Variants in METTL24 observed in about 807,000 individuals in gnomAD.
The protein encoded by METTL24 is methyltransferase like 24.
Under a neutral mutation model 32.7 loss-of-function variants are expected in METTL24, and 29 were observed. The observed-to-expected ratio is 0.89, with a 90% CI of 0.66 to 1.21. METTL24 has a LOEUF of 1.21. Among genes scored for constraint, METTL24 ranks in the 50% most tolerant of loss-of-function variants. The pLI, the probability that METTL24 is intolerant of heterozygous loss-of-function variation, is 0.00. For missense variants in METTL24, 439 were observed against 468.1 expected, an observed-to-expected ratio of 0.94 and a Z score of 0.57; for synonymous variants, 163 against 179.5, an observed-to-expected ratio of 0.91 and a Z score of 0.73.
intron 4 of METTL24, among the ~76,000 whole-genome samples, chr6:110,287,573 C>T (rs1487496393): frequency 1.3e-5 from 2 of 152,184 alleles, no homozygotes; most frequent in African/African-American, 2.4e-5. Flanking sequence ...TTTACCACAG[C>T]ATATCTGGTT....
intron 4 of METTL24, among the ~76,000 whole-genome samples, chr6:110,275,387 A>C (rs960588327): frequency 3.3e-5 from 5 of 151,786 alleles, no homozygotes; most frequent in Non-Finnish European, 7.4e-5. Context: ...AGAATTTCTC[A>C]TTCTTTCTCT....
At chr6:110,350,196 G>A (rs1242575931) in intron 1 of METTL24, among the ~76,000 whole-genome samples, 1 of 152,226 alleles carries the variant, frequency 6.6e-6, no homozygotes, top group Non-Finnish European at 1.5e-5. Flanking sequence ...ATTCAAAGGT[G>A]TGACCAAAAA....
chr6:110,314,106 C>T (rs1771772459), intron 3 of METTL24, among the ~76,000 whole-genome samples: 2 of 152,136 alleles, frequency 1.3e-5, no homozygotes, highest in African/African-American at 4.8e-5. Context: ...TAACCCTGAC[C>T]ACCTAGGATT....
rs578259299 is a variant in METTL24 at position 110,277,835 on chromosome 6, T to A, written c.786+21087A>T. On this transcript the variant is annotated intron_variant, in intron 4 of 4. Coordinates refer to ENST00000338882, the MANE Select transcript of METTL24 (RefSeq NM_001123364.3). ...GCATGTCAAAAACTATAAATAGGAA[T>A]ATTCTATTCTGAACTAAACCATGCA... 2.0e-5 allele frequency among the ~76,000 whole-genome samples: 3 copies of A among 152,282 alleles called. No homozygotes were observed. In the South Asian group the frequency reaches 6.2e-4, roughly 32 times the overall value.
chr6:110,332,084 GGCT>G (rs1176441555), intron 1 of METTL24, among the ~76,000 whole-genome samples: 1 of 152,164 alleles, frequency 6.6e-6, no homozygotes, highest in Non-Finnish European at 1.5e-5. Context: ...ACAGAGGGTA[GGCT>G]GGGAGGCAGG....
At chr6:110,356,808 A>C (rs1772709003) in intron 1 of METTL24, among the ~76,000 whole-genome samples, 1 of 152,246 alleles carries the variant, frequency 6.6e-6, no homozygotes. Context: ...AGATAGAAAA[A>C]GGTATTTCAG....
intron 4 of METTL24, among the ~76,000 whole-genome samples, chr6:110,293,540 A>G (rs1771358359): frequency 1.3e-5 from 2 of 151,982 alleles, no homozygotes; most frequent in Non-Finnish European, 2.9e-5. Context: ...AATAATAATA[A>G]TATCTGCAAA....
At chr6:110,331,378 G>T (rs2114761882) in intron 1 of METTL24, among the ~76,000 whole-genome samples, 1 of 152,102 alleles carries the variant, frequency 6.6e-6, no homozygotes, top group South Asian at 2.1e-4. Flanking sequence ...AAATAATGAG[G>T]CCAGGCACGA....
At chr6:110,302,628 CATATACACACACAT>C (rs1771551550) in intron 3 of METTL24, among the ~76,000 whole-genome samples, 2 of 128,970 alleles carry the variant, frequency 1.6e-5, no homozygotes, top group African/African-American at 7.6e-5. Context: ...TATATATACA[CATATACACACACAT>C]ATGTGTATAT....
chr6:110,321,785 T>C (rs1771934411), intron 2 of METTL24, among the ~76,000 whole-genome samples: 1 of 152,240 alleles, frequency 6.6e-6, no homozygotes, highest in African/African-American at 2.4e-5. Context: ...AATGAGACTT[T>C]CTTTTACCCC....
intron 3 of METTL24, among the ~76,000 whole-genome samples, chr6:110,309,126 AT>A (rs1771674205): frequency 6.6e-6 from 1 of 152,194 alleles, no homozygotes; most frequent in East Asian, 1.9e-4. Context: ...CTTAACAAGC[AT>A]TTTTTTAAAA....
At chr6:110,354,789 G>A (rs1772673603) in intron 1 of METTL24, among the ~76,000 whole-genome samples, 1 of 151,864 alleles carries the variant, frequency 6.6e-6, no homozygotes, top group Non-Finnish European at 1.5e-5. Context: ...GTGAAATAAT[G>A]GGAGAATAAA....
intron 4 of METTL24, among the ~76,000 whole-genome samples, chr6:110,267,113 G>A (rs1056032951): frequency 7.2e-5 from 11 of 151,794 alleles, no homozygotes; most frequent in African/African-American, 2.4e-4. Flanking sequence ...GGGGCCTATG[G>A]CCCATGCAAG....
At position 110,357,968 on chromosome 6, in the gene METTL24, C is replaced by T. The variant is rs1019954498; in HGVS notation, c.305G>A (p.Arg102His). Residue 102 changes from arginine (R) to histidine (H), a missense_variant, in exon 1 of 5, where the codon CGC (arginine) becomes CAC (histidine). Coordinates refer to ENST00000338882, the MANE Select transcript of METTL24 (RefSeq NM_001123364.3). Reference sequence around the variant, plus strand: ...TTTGCAACTGACCTTCCGGCGGGGGCGCCCGCGCGGGGCACAGCAGCCAGG... The same window carrying T: ...TTTGCAACTGACCTTCCGGCGGGGGTGCCCGCGCGGGGCACAGCAGCCAGG... ...PEPGCCAPRG[R>H]PRRKGPRWHI... 1.1e-5 allele frequency: 13 copies of T among 1,184,580 alleles called. No individual in the cohort carries two copies. Among genetic ancestry groups the T allele is most frequent in the South Asian group, 8.3e-5 (2 of 24,168 alleles). The allele number at this position is 1,184,580 out of a possible 1,614,324, so 73.4% of individuals were successfully genotyped here. A position where few individuals can be genotyped will look rare whatever the true frequency, so the allele number is the denominator to read the frequency against.
chr6:110,282,350 C>CA (rs1434795458), intron 4 of METTL24, among the ~76,000 whole-genome samples: 4 of 152,032 alleles, frequency 2.6e-5, no homozygotes, highest in African/African-American at 9.7e-5. Flanking sequence ...TTAAACAATT[C>CA]AAAAAAATCC....
At chr6:110,327,139 G>A (rs1053546826) in intron 1 of METTL24, among the ~76,000 whole-genome samples, 1 of 152,170 alleles carries the variant, frequency 6.6e-6, no homozygotes, top group Admixed American at 6.5e-5. Context: ...AAGGTACAGC[G>A]CCTGAGTATT....
chr6:110,265,711 G>A (rs1160937448), intron 4 of METTL24, among the ~76,000 whole-genome samples: 1 of 152,146 alleles, frequency 6.6e-6, no homozygotes, highest in Non-Finnish European at 1.5e-5. Flanking sequence ...TTATATGCCA[G>A]GGGAGGAGGT....
At chr6:110,293,980 A>G (rs1771366214) in intron 4 of METTL24, among the ~76,000 whole-genome samples, 2 of 151,900 alleles carry the variant, frequency 1.3e-5, no homozygotes, top group South Asian at 4.1e-4. Flanking sequence ...ATTAATTATG[A>G]TGTCAGCTCT....
At chr6:110,345,011 GA>G (rs1772442560) in intron 1 of METTL24, among the ~76,000 whole-genome samples, 1 of 152,148 alleles carries the variant, frequency 6.6e-6, no homozygotes, top group African/African-American at 2.4e-5. Flanking sequence ...GTGGATGGGA[GA>G]AAATGCCTGC....
Sources: gnomAD v4.1 joint callset for allele counts (sites outside exome capture counted in the v4.1 genomes callset) on GRCh38, gnomAD v4.1.1 for gene constraint, MANE v1.5 for transcripts, NCBI Gene and HGNC (gene_info 2026-07-23, HGNC 2026-07-21) for gene names.